The following THSD7B variants were observed in gnomAD, a reference collection of about 807,000 sequenced individuals.
THSD7B encodes thrombospondin type 1 domain containing 7B.
Under a neutral mutation model 213.6 loss-of-function variants are expected in THSD7B, and 138 were observed. That is an observed-to-expected ratio of 0.65 (90% confidence interval 0.56 to 0.74). The LOEUF (loss-of-function observed/expected upper bound fraction) is 0.74. Among genes scored for constraint, THSD7B ranks in the 30% least tolerant of loss-of-function variants. The pLI, the probability that THSD7B is intolerant of heterozygous loss-of-function variation, is 0.00. For missense variants in THSD7B, 1,931 were observed against 1,991.5 expected (o/e 0.97, Z 0.58); for synonymous variants, 742 against 687.0 (o/e 1.08, Z -1.25).
intron 10 of THSD7B, among the ~76,000 whole-genome samples, chr2:137,259,002 A>C (rs938633108): frequency 3.3e-5 from 5 of 152,158 alleles, no homozygotes; most frequent in Non-Finnish European, 7.3e-5. Context: ...ATGTCCCTGC[A>C]AAGGACATTA....
At chr2:136,874,947 G>A (rs1683502609) in intron 1 of THSD7B, among the ~76,000 whole-genome samples, 1 of 152,088 alleles carries the variant, frequency 6.6e-6, no homozygotes, top group South Asian at 2.1e-4. Flanking sequence ...AAACAGAGGA[G>A]TGGAATCTCT....
At chr2:137,661,858 G>A (rs986370552) in intron 25 of THSD7B, among the ~76,000 whole-genome samples, 4 of 152,080 alleles carry the variant, frequency 2.6e-5, no homozygotes, top group Admixed American at 6.5e-5. Context: ...GGGAGGGGCC[G>A]CATGCACAGC....
intron 3 of THSD7B, among the ~76,000 whole-genome samples, chr2:137,067,331 C>T (rs1048699095): frequency 5.9e-5 from 9 of 152,008 alleles, no homozygotes; most frequent in Non-Finnish European, 5.9e-5. Context: ...TTATATTTAC[C>T]TGACTTGGAG....
chr2:137,516,626 A>C, intron 15 of THSD7B, among the ~76,000 whole-genome samples: 1 of 152,196 alleles, frequency 6.6e-6, no homozygotes, highest in East Asian at 1.9e-4. Flanking sequence ...ATGGAGTTTT[A>C]GCTCAGGTCT....
At chr2:137,361,208 C>G (rs779236006) in intron 12 of THSD7B, among the ~76,000 whole-genome samples, 14 of 152,100 alleles carry the variant, frequency 9.2e-5, no homozygotes, top group Non-Finnish European at 4.4e-5. Context: ...GACATCCACA[C>G]CAAAACCCCA....
intron 3 of THSD7B, among the ~76,000 whole-genome samples, chr2:137,064,499 C>T (rs768416653): frequency 6.6e-6 from 1 of 151,920 alleles, no homozygotes; most frequent in Non-Finnish European, 1.5e-5. Context: ...TGTACAGAGG[C>T]TTTTTAACTT....
At chr2:137,245,813 T>G (rs972500086) in intron 10 of THSD7B, among the ~76,000 whole-genome samples, 12 of 152,094 alleles carry the variant, frequency 7.9e-5, no homozygotes. Flanking sequence ...TCCTTGAGAG[T>G]GTCCTTCAAC....
intron 5 of THSD7B, among the ~76,000 whole-genome samples, chr2:137,150,014 G>A (rs111284038): frequency 6.6e-6 from 1 of 152,108 alleles, no homozygotes; most frequent in South Asian, 2.1e-4. Context: ...GGCCGAGGCG[G>A]GCAGATCACC....
chr2:137,559,223 T>C (rs1021728819), intron 15 of THSD7B, among the ~76,000 whole-genome samples: 1 of 152,084 alleles, frequency 6.6e-6, no homozygotes, highest in African/African-American at 2.4e-5. Flanking sequence ...ACTTTAAAGT[T>C]CATATGGAAC....
intron 15 of THSD7B, among the ~76,000 whole-genome samples, chr2:137,555,561 A>G (rs1448616512): frequency 6.6e-6 from 1 of 152,216 alleles, no homozygotes; most frequent in Non-Finnish European, 1.5e-5. Context: ...ATCATCAAAG[A>G]CCAAAGGTAG....
chr2:136,959,957 T>G (rs1405271369), intron 2 of THSD7B, among the ~76,000 whole-genome samples: 1 of 152,182 alleles, frequency 6.6e-6, no homozygotes, highest in African/African-American at 2.4e-5. Flanking sequence ...AATCCGCACC[T>G]GGATTCAGAA....
intron 17 of THSD7B, among the ~76,000 whole-genome samples, chr2:137,607,311 C>T (rs1474970939): frequency 7.9e-5 from 12 of 152,132 alleles, no homozygotes; most frequent in Non-Finnish European, 1.5e-5. Context: ...CTATTTCTGT[C>T]TCTACACAGA....
intron 14 of THSD7B, among the ~76,000 whole-genome samples, chr2:137,442,942 T>G (rs1393397866): frequency 6.6e-6 from 1 of 152,162 alleles, no homozygotes; most frequent in Non-Finnish European, 1.5e-5. Flanking sequence ...TTGGGTTATT[T>G]AAATCTGTGT....
intron 2 of THSD7B, among the ~76,000 whole-genome samples, chr2:136,940,545 C>A (rs1684802759): frequency 6.6e-6 from 1 of 151,474 alleles, no homozygotes; most frequent in African/African-American, 2.4e-5. Context: ...ATATGCACAA[C>A]CACATCCAGC....
chr2:137,589,976 G>A lies in THSD7B; in HGVS notation c.3423+17420G>A, dbSNP rs1335474541. On this transcript the variant is annotated intron_variant, in intron 17 of 27. Coordinates refer to ENST00000409968, the MANE Select transcript of THSD7B (RefSeq NM_001316349.2). ...GAAGACCACATAAGCTGCCAGTTGT[G>A]TTTAAAAATCATAGAAAATTTGAGT... Among the ~76,000 whole-genome samples the A allele has an allele frequency of 3.3e-5, 5 of 152,192 alleles. No homozygotes were observed. In the South Asian group the frequency reaches 1.0e-3, roughly 32 times the overall value.
chr2:136,800,591 G>A (rs915664457), intron 1 of THSD7B, among the ~76,000 whole-genome samples: 1 of 151,928 alleles, frequency 6.6e-6, no homozygotes, highest in Non-Finnish European at 1.5e-5. Context: ...TTAATGTATT[G>A]TTCAACTTGC....
intron 14 of THSD7B, among the ~76,000 whole-genome samples, chr2:137,419,917 A>T (rs1296730427): frequency 6.6e-6 from 1 of 152,086 alleles, no homozygotes; most frequent in African/African-American, 2.4e-5. Flanking sequence ...GGGAGTATAG[A>T]TACCCCTTTG....
intron 2 of THSD7B, among the ~76,000 whole-genome samples, chr2:136,899,312 T>C (rs575998447): frequency 6.6e-6 from 1 of 152,334 alleles, no homozygotes; most frequent in African/African-American, 2.4e-5. Context: ...TTGTATCGTG[T>C]ATTATTACAC....
chr2:137,100,951 A>G (rs1688139694), intron 4 of THSD7B, among the ~76,000 whole-genome samples: 1 of 152,152 alleles, frequency 6.6e-6, no homozygotes, highest in Non-Finnish European at 1.5e-5. Flanking sequence ...GAGGAATGAT[A>G]TCATAGTCTG....
Sources: gnomAD v4.1 joint callset for allele counts (sites outside exome capture counted in the v4.1 genomes callset) on GRCh38, gnomAD v4.1.1 for gene constraint, MANE v1.5 for transcripts, NCBI Gene and HGNC (gene_info 2026-07-23, HGNC 2026-07-21) for gene names.